The following CACNA2D3 variants were observed in gnomAD, a reference collection of about 807,000 sequenced individuals.
CACNA2D3 encodes voltage-dependent calcium channel subunit alpha-2/delta-3.
A neutral mutation model predicts 160.6 loss-of-function variants in CACNA2D3; 60 were observed. The ratio of observed to expected loss-of-function variants is 0.37; its 90% CI spans 0.30 to 0.46. CACNA2D3 has a LOEUF of 0.46. CACNA2D3 is among the 20% of genes least tolerant of loss of function. The pLI is 1.00. For missense variants in CACNA2D3, 1,205 were observed against 1,365.0 expected, an observed-to-expected ratio of 0.88 and a Z score of 1.85; for synonymous variants, 558 against 492.9, an observed-to-expected ratio of 1.13 and a Z score of -1.75.
intron 27 of CACNA2D3, among the ~76,000 whole-genome samples, chr3:54,956,751 C>G (rs1701906165): frequency 6.6e-6 from 1 of 152,014 alleles, no homozygotes; most frequent in African/African-American, 2.4e-5. Flanking sequence ...AAGACAGAAC[C>G]CATTTGAATA....
intron 11 of CACNA2D3, among the ~76,000 whole-genome samples, 185 bp from the exon 12 acceptor site, chr3:54,752,414 A>T (rs550150222): frequency 1.3e-5 from 2 of 152,318 alleles, no homozygotes; most frequent in South Asian, 4.1e-4. Flanking sequence ...GGTTTAAAAG[A>T]TCAAAGGCCC....
chr3:54,231,670 G>C (rs1701771658), intron 2 of CACNA2D3, among the ~76,000 whole-genome samples: 1 of 152,150 alleles, frequency 6.6e-6, no homozygotes, highest in African/African-American at 2.4e-5. Context: ...TATATTTCTA[G>C]TGTGTAATAA....
chr3:54,669,941 A>T (rs763451019), intron 11 of CACNA2D3, among the ~76,000 whole-genome samples: 5 of 151,976 alleles, frequency 3.3e-5, no homozygotes, highest in African/African-American at 4.8e-5. Context: ...GAGCCACTGC[A>T]CCCATCCTGG....
At position 55,033,797 on chromosome 3, in the gene CACNA2D3, T is replaced by A. The variant is rs571008756; in HGVS notation, c.2987+15480T>A. Among the ~76,000 whole-genome samples the A allele has an allele frequency of 1.2e-3, 143 of 123,680 alleles. 3 individuals are homozygous for A. The highest frequency in any genetic ancestry group is 4.6e-3 in the African/African-American group (126 of 27,512). The allele number at this position is 123,680 out of a possible 152,430, so 81.1% of individuals were successfully genotyped here. A position where few individuals can be genotyped will look rare whatever the true frequency, so the allele number is the denominator to read the frequency against. ...TATGTATTATATATTAAATATATTT[T>A]ATATAATATGTATTATATATTAAAT... On this transcript the variant is annotated intron_variant, in intron 35 of 37. Transcript: ENST00000474759.
At chr3:54,866,460 C>T (rs983027694) in intron 17 of CACNA2D3, among the ~76,000 whole-genome samples, 7 of 152,274 alleles carry the variant, frequency 4.6e-5, no homozygotes, top group East Asian at 1.9e-4. Flanking sequence ...TGTCAGCCCT[C>T]GGTCACACCC....
chr3:54,642,268 C>T (rs760779741), intron 11 of CACNA2D3, 27 bp downstream of exon 11: 64 of 1,365,676 alleles, frequency 4.7e-5, no homozygotes, highest in East Asian at 1.9e-4. Context: ...CCCGTCTGTG[C>T]GGTGGACTCC....
At chr3:54,292,820 C>G (rs1268145178) in intron 2 of CACNA2D3, among the ~76,000 whole-genome samples, 1 of 152,116 alleles carries the variant, frequency 6.6e-6, no homozygotes, top group African/African-American at 2.4e-5. Context: ...CAATTTCATT[C>G]CTAGGTATAC....
intron 2 of CACNA2D3, among the ~76,000 whole-genome samples, chr3:54,225,115 C>T (rs565273819): frequency 1.8e-3 from 274 of 152,068 alleles, no homozygotes; most frequent in African/African-American, 6.4e-3. Context: ...CCACCCACCC[C>T]ACAACAGGCC....
intron 3 of CACNA2D3, among the ~76,000 whole-genome samples, chr3:54,331,732 A>G (rs1274765012): frequency 6.6e-6 from 1 of 152,252 alleles, no homozygotes; most frequent in Non-Finnish European, 1.5e-5. Flanking sequence ...AAGTTCCTGA[A>G]CTACCAAATG....
intron 2 of CACNA2D3, among the ~76,000 whole-genome samples, chr3:54,205,280 A>G (rs982459388): frequency 2.0e-5 from 3 of 152,090 alleles, no homozygotes; most frequent in African/African-American, 7.2e-5. Flanking sequence ...TATGGTAGAG[A>G]CGGGGTTTCA....
At chr3:54,957,720 C>T (rs570956703) in intron 27 of CACNA2D3, among the ~76,000 whole-genome samples, 3 of 152,138 alleles carry the variant, frequency 2.0e-5, no homozygotes, top group African/African-American at 4.8e-5. Context: ...GAAACAAGAT[C>T]ACACCTCTCC....
chr3:54,774,629 A>ATTTTTTTTTTTTTT (rs111655457), intron 13 of CACNA2D3, among the ~76,000 whole-genome samples: 2 of 107,916 alleles, frequency 1.9e-5, no homozygotes, highest in Non-Finnish European at 3.5e-5. Context: ...CTCTTTGACT[A>ATTTTTTTTTTTTTT]TTTTTTTTTT....
intron 29 of CACNA2D3, among the ~76,000 whole-genome samples, chr3:54,974,686 C>G (rs76101817): frequency 0.028 from 4,339 of 152,290 alleles, 202 homozygotes; most frequent in African/African-American, 0.098. Context: ...ATCAACTTCC[C>G]TCTGTGCTCT....
intron 4 of CACNA2D3, among the ~76,000 whole-genome samples, chr3:54,450,795 A>G (rs1459779928): frequency 1.3e-5 from 2 of 152,098 alleles, no homozygotes; most frequent in East Asian, 1.9e-4. Context: ...ATCTCATGTA[A>G]TTATAATCAA....
In CACNA2D3 at chr3:54,937,143, A is replaced by G. The variant is rs528827865; in HGVS notation, c.2450-31307A>G. On this transcript the variant is annotated intron_variant, in intron 27 of 37. Transcript: ENST00000474759. ...GGTGAAGACACCCTTACTTAAAAATAAGGTGTGCTCAAGGGACTCTCATTC... is the reference window on the plus strand; with the variant it reads ...GGTGAAGACACCCTTACTTAAAAATGAGGTGTGCTCAAGGGACTCTCATTC... Among the ~76,000 whole-genome samples the G allele has an allele frequency of 1.1e-4, 16 of 152,322 alleles. No homozygotes were observed. The South Asian group carries it at 3.3e-3, about 32-fold the overall frequency.
chr3:54,806,920 C>G (rs1449122395), intron 13 of CACNA2D3, among the ~76,000 whole-genome samples: 1 of 152,174 alleles, frequency 6.6e-6, no homozygotes, highest in Non-Finnish European at 1.5e-5. Flanking sequence ...ACTGTCTGAT[C>G]TTTGACAAAC....
intron 31 of CACNA2D3, among the ~76,000 whole-genome samples, chr3:54,990,479 C>T (rs1052232543): frequency 3.9e-5 from 6 of 152,062 alleles, no homozygotes; most frequent in African/African-American, 7.2e-5. Context: ...TGCGATAAGC[C>T]GAGGTCATGC....
intron 18 of CACNA2D3, among the ~76,000 whole-genome samples, chr3:54,873,245 T>C (rs1435524958): frequency 6.6e-6 from 1 of 151,996 alleles, no homozygotes; most frequent in Non-Finnish European, 1.5e-5. Context: ...GTGGTAGCCA[T>C]TGTTAGTATT....
At chr3:54,578,085 A>T (rs1702616156) in intron 8 of CACNA2D3, among the ~76,000 whole-genome samples, 1 of 152,130 alleles carries the variant, frequency 6.6e-6, no homozygotes, top group South Asian at 2.1e-4. Flanking sequence ...GACTCTTCCC[A>T]TTTCCCAGAA....
Sources: allele counts gnomAD v4.1 joint callset (sites outside exome capture counted in the v4.1 genomes callset), GRCh38; gene constraint gnomAD v4.1.1; transcripts MANE v1.5; gene names NCBI Gene and HGNC (gene_info 2026-07-23, HGNC 2026-07-21).